The following ASIC2 variants were observed in gnomAD, a reference collection of about 807,000 sequenced individuals.
ASIC2 encodes the protein acid sensing ion channel subunit 2.
ASIC2 carries 25 observed loss-of-function variants against 57.3 expected under a neutral mutation model. The observed-to-expected ratio is 0.44, with a 90% CI of 0.32 to 0.61. The LOEUF (loss-of-function observed/expected upper bound fraction) is 0.61. Among genes scored for constraint, ASIC2 ranks in the 20% least tolerant of loss-of-function variants. The pLI is 0.06. For missense variants in ASIC2, 641 were observed against 738.1 expected, an observed-to-expected ratio of 0.87 and a Z score of 1.52; for synonymous variants, 319 against 307.5, an observed-to-expected ratio of 1.04 and a Z score of -0.39.
intron 1 of ASIC2, among the ~76,000 whole-genome samples, chr17:33,383,905 G>A (rs147841890): frequency 8.5e-5 from 13 of 152,318 alleles, no homozygotes; most frequent in African/African-American, 2.4e-4. Context: ...AGGGGGTGGC[G>A]TGACTTAGCA....
At chr17:34,038,907 T>A (rs1907992388) in intron 1 of ASIC2, 6 of 1,612,850 alleles carry the variant, frequency 3.7e-6, no homozygotes, top group Non-Finnish European at 4.2e-6. Context: ...TCCTGTTGCT[T>A]GATAAGATTC....
rs186571153 is a variant in ASIC2 at position 33,669,251 on chromosome 17, G to A, written c.555+486727C>T. 3.3e-5 allele frequency among the ~76,000 whole-genome samples: 5 copies of A among 152,216 alleles called. No homozygotes were observed. In the East Asian group the frequency reaches 5.8e-4, roughly 18 times the overall value. On this transcript the variant is annotated intron_variant, in intron 1 of 9. Transcript: ENST00000359872. The stretch of plus-strand genomic sequence containing the variant: ...AAATCTACCCCAGGCACCACACATC[G>A]TTTCATTGGAACAAAGCAGCAACTG...
At chr17:34,005,835 T>A (rs1906508192) in intron 1 of ASIC2, 1 of 152,262 alleles carries the variant, frequency 6.6e-6, no homozygotes, top group African/African-American at 2.4e-5. Flanking sequence ...CATACTCAAC[T>A]GTGGCCATCT....
chr17:33,620,337 A>G (rs957785309), intron 1 of ASIC2, among the ~76,000 whole-genome samples: 6 of 151,960 alleles, frequency 3.9e-5, no homozygotes, highest in Non-Finnish European at 2.9e-5. Context: ...CACTATACAC[A>G]GTTGATGGCA....
intron 1 of ASIC2, among the ~76,000 whole-genome samples, chr17:33,739,794 AAGAAAGAAAGAAAGAAAGAG>A (rs1361245138): frequency 6.6e-6 from 1 of 151,556 alleles, no homozygotes; most frequent in Non-Finnish European, 1.5e-5. Flanking sequence ...CAAAAGAAAG[AAGAAAGAAAGAAAGAAAGAG>A]AGAAAGAAAG....
chr17:33,185,589 C>T (rs1906161819), intron 1 of ASIC2, among the ~76,000 whole-genome samples: 1 of 152,162 alleles, frequency 6.6e-6, no homozygotes, highest in South Asian at 2.1e-4. Context: ...GGCAGTCTTC[C>T]TGAGTTGAGG....
intron 1 of ASIC2, among the ~76,000 whole-genome samples, chr17:33,842,528 C>T (rs999237388): frequency 6.6e-6 from 1 of 152,122 alleles, no homozygotes; most frequent in African/African-American, 2.4e-5. Flanking sequence ...GAACCTGAGA[C>T]AGGGCTGGGA....
rs111426092 is a variant in ASIC2 at position 33,279,779 on chromosome 17, A to G, written c.708+11629T>C. 1.2e-3 allele frequency among the ~76,000 whole-genome samples: 189 copies of G among 152,260 alleles called. 2 individuals carry two copies. The highest frequency in any genetic ancestry group is 3.4e-3 in the Middle Eastern group (1 of 294). On this transcript the variant is annotated intron_variant, in intron 1 of 9. Transcript: ENST00000225823. ...GCGTGCATTGAATATTCCAAATGCT[A>G]TATTTTAAGAGTGTGAGATGCAGAT...
At chr17:33,064,372 TCTAA>T (rs2092034119) in intron 3 of ASIC2, among the ~76,000 whole-genome samples, 1 of 152,216 alleles carries the variant, frequency 6.6e-6, no homozygotes, top group African/African-American at 2.4e-5. Flanking sequence ...TAGTTTTCCT[TCTAA>T]CTGTCAGAAC....
intron 1 of ASIC2, among the ~76,000 whole-genome samples, chr17:33,403,930 T>C (rs1308372852): frequency 6.6e-6 from 1 of 152,178 alleles, no homozygotes; most frequent in African/African-American, 2.4e-5. Flanking sequence ...GATAGTAACT[T>C]ACAGAGAGAC....
chr17:34,126,738 CCA>C (rs1911792353), intron 1 of ASIC2, among the ~76,000 whole-genome samples: 1 of 152,114 alleles, frequency 6.6e-6, no homozygotes, highest in South Asian at 2.1e-4. Context: ...GTGGATGGGA[CCA>C]CACAGTCTTC....
At chr17:33,729,746 A>G (rs568609063) in intron 1 of ASIC2, among the ~76,000 whole-genome samples, 105 of 152,282 alleles carry the variant, frequency 6.9e-4, no homozygotes, top group African/African-American at 2.3e-3. Context: ...ATCTGTGTAA[A>G]GCGCCTGGGA....
chr17:33,824,798 T>G (rs1224981018), intron 1 of ASIC2, among the ~76,000 whole-genome samples: 1 of 152,194 alleles, frequency 6.6e-6, no homozygotes, highest in Non-Finnish European at 1.5e-5. Context: ...GATGTCCCTC[T>G]GCTCTTCCTT....
intron 1 of ASIC2, among the ~76,000 whole-genome samples, chr17:33,997,296 A>G (rs1906191976): frequency 7.2e-6 from 1 of 138,834 alleles, no homozygotes; most frequent in Non-Finnish European, 1.5e-5. Context: ...ACTTTCCACC[A>G]TGCACGGTTA....
intron 1 of ASIC2, among the ~76,000 whole-genome samples, chr17:33,437,055 C>T (rs1404662370): frequency 2.0e-5 from 3 of 150,702 alleles, no homozygotes; most frequent in African/African-American, 4.9e-5. Context: ...TTAGTAGAGA[C>T]GGGGTTTCAC....
intron 1 of ASIC2, among the ~76,000 whole-genome samples, chr17:33,250,214 G>C (rs1044428460): frequency 5.9e-5 from 9 of 152,182 alleles, no homozygotes; most frequent in African/African-American, 2.2e-4. Context: ...CAAGAATTTT[G>C]GTCATTTTCC....
At chr17:33,199,499 G>A (rs1198644817) in intron 1 of ASIC2, among the ~76,000 whole-genome samples, 1 of 152,144 alleles carries the variant, frequency 6.6e-6, no homozygotes, top group African/African-American at 2.4e-5. Flanking sequence ...AACTCTCTTA[G>A]CTTTTACTGG....
chr17:34,131,685 C>A (rs572383442), intron 1 of ASIC2, among the ~76,000 whole-genome samples: 1 of 152,342 alleles, frequency 6.6e-6, no homozygotes, highest in South Asian at 2.1e-4. Flanking sequence ...CACACTCTAC[C>A]ACAAAAACAA....
chr17:34,142,453 A>G lies in ASIC2; in HGVS notation c.555+13525T>C, dbSNP rs565789823. On this transcript the variant is annotated intron_variant, in intron 1 of 9. Transcript: ENST00000359872. ...GAGAGAACGGTGAGAAAAATCTCAC[A>G]TAGGTTGAGGCCTACTGTGCTATGT... Among the ~76,000 whole-genome samples the G allele has an allele frequency of 5.3e-5, 8 of 152,368 alleles. No homozygotes were observed. The East Asian group carries it at 1.5e-3, about 29-fold the overall frequency.
Sources: gnomAD v4.1 joint callset for allele counts (sites outside exome capture counted in the v4.1 genomes callset) on GRCh38, gnomAD v4.1.1 for gene constraint, MANE v1.5 for transcripts, NCBI Gene and HGNC (gene_info 2026-07-23, HGNC 2026-07-21) for gene names.